The following SPOCK1 variants were observed in gnomAD, a reference collection of about 807,000 sequenced individuals.
The protein encoded by SPOCK1 is SPARC (osteonectin), cwcv and kazal like domains proteoglycan 1, also known as testican-1.
Under a neutral mutation model 55.3 loss-of-function variants are expected in SPOCK1, and 23 were observed. The observed-to-expected ratio is 0.42, with a 90% CI of 0.30 to 0.59. The LOEUF is 0.59. SPOCK1 is among the 20% of genes least tolerant of loss of function. SPOCK1 has a pLI of 0.22. For synonymous variants in SPOCK1, 226 were observed against 221.0 expected (o/e 1.02, Z -0.20); for missense variants, 499 against 552.5 (o/e 0.90, Z 0.97).
At chr5:137,105,909 C>T (rs1231564637) in intron 5 of SPOCK1, among the ~76,000 whole-genome samples, 3 of 152,098 alleles carry the variant, frequency 2.0e-5, no homozygotes, top group East Asian at 3.9e-4. Context: ...CCTGCTTGGT[C>T]GCCGATTACC....
intron 2 of SPOCK1, among the ~76,000 whole-genome samples, chr5:137,405,710 G>T (rs1047584560): frequency 6.6e-5 from 10 of 152,192 alleles, no homozygotes; most frequent in Non-Finnish European, 1.5e-4. Flanking sequence ...AAGGGAAAGA[G>T]AAAAGGTTGG....
chr5:137,264,118 T>A (rs572734544), intron 3 of SPOCK1, among the ~76,000 whole-genome samples: 1 of 152,118 alleles, frequency 6.6e-6, no homozygotes, highest in African/African-American at 2.4e-5. Flanking sequence ...GAGAGCTGAA[T>A]TGATAAGTCT....
intron 10 of SPOCK1, 91 bp downstream of exon 10, chr5:136,979,241 C>T (rs1468706313): frequency 2.1e-5 from 33 of 1,547,176 alleles, no homozygotes; most frequent in African/African-American, 5.5e-5. Flanking sequence ...CTGGAGTTAC[C>T]TCTCAACATT....
At chr5:136,991,538 T>C (rs1750947612) in intron 7 of SPOCK1, among the ~76,000 whole-genome samples, 1 of 152,166 alleles carries the variant, frequency 6.6e-6, no homozygotes, top group Admixed American at 6.5e-5. Context: ...ACCTACTGCA[T>C]TCAATCCAGG....
chr5:137,271,332 G>A (rs1756959250), intron 2 of SPOCK1, among the ~76,000 whole-genome samples: 1 of 149,844 alleles, frequency 6.7e-6, no homozygotes, highest in Non-Finnish European at 1.5e-5. Context: ...GTTCAGATAA[G>A]CATCAATGAA....
Position 137,498,450 on chromosome 5 carries a change from T to C in SPOCK1, c.109A>G (p.Asn37Asp), listed in dbSNP as rs201111918. The C allele has an allele frequency of 1.7e-5, 27 of 1,610,524 alleles. No individual in the cohort carries two copies. Among genetic ancestry groups the C allele is most frequent in the African/African-American group, 4.0e-5 (3 of 74,842 alleles). Residue 37 changes from asparagine (N) to aspartate (D), a missense_variant, in exon 2 of 11, where the codon AAT becomes GAT. Coordinates refer to ENST00000394945, the MANE Select transcript of SPOCK1 (RefSeq NM_004598.4). ...AGCCACTGGTCATTGTCTAGGAAAT[T>C]GCCGTGGTTGGGGCCCGCGCCTCCG... ...LAGGAGPNHGNFLDNDQWLST... is the reference protein window; with the variant it reads ...LAGGAGPNHGDFLDNDQWLST...
chr5:137,013,386 C>A (rs549998875), intron 6 of SPOCK1, among the ~76,000 whole-genome samples: 1 of 152,310 alleles, frequency 6.6e-6, no homozygotes, highest in East Asian at 1.9e-4. Context: ...TGATAACATT[C>A]ACTTGGCAAA....
At chr5:137,348,000 G>A (rs1750597424) in intron 2 of SPOCK1, among the ~76,000 whole-genome samples, 1 of 152,196 alleles carries the variant, frequency 6.6e-6, no homozygotes, top group Non-Finnish European at 1.5e-5. Context: ...CTGGCTTGCT[G>A]CGTTTCTATC....
chr5:137,349,222 G>C (rs1023001157), intron 2 of SPOCK1, among the ~76,000 whole-genome samples: 1 of 152,216 alleles, frequency 6.6e-6, no homozygotes, highest in African/African-American at 2.4e-5. Context: ...ACAGAGGGAT[G>C]GGATGGATAT....
At chr5:137,420,760 T>C (rs1308308770) in intron 2 of SPOCK1, among the ~76,000 whole-genome samples, 2 of 152,194 alleles carry the variant, frequency 1.3e-5, no homozygotes, top group African/African-American at 2.4e-5. Flanking sequence ...CCTGGGTTCA[T>C]TGATTTTTTG....
At chr5:137,310,979 T>A (rs1001366574) in intron 2 of SPOCK1, among the ~76,000 whole-genome samples, 4 of 152,168 alleles carry the variant, frequency 2.6e-5, no homozygotes, top group Non-Finnish European at 5.9e-5. Flanking sequence ...AGGCACCCTC[T>A]GTGAGGGAAC....
At chr5:137,488,540 G>A (rs1754107595) in intron 2 of SPOCK1, among the ~76,000 whole-genome samples, 1 of 152,172 alleles carries the variant, frequency 6.6e-6, no homozygotes, top group South Asian at 2.1e-4. Flanking sequence ...GTCTGAGAAT[G>A]CCACTCTAAC....
chr5:137,199,125 C>A (rs547834844), intron 3 of SPOCK1, among the ~76,000 whole-genome samples: 1 of 152,304 alleles, frequency 6.6e-6, no homozygotes, highest in East Asian at 1.9e-4. Flanking sequence ...AGGAAAAATT[C>A]ATCTTCCTCA....
chr5:137,219,874 G>C (rs1181212943), intron 3 of SPOCK1, among the ~76,000 whole-genome samples: 2 of 152,144 alleles, frequency 1.3e-5, no homozygotes, highest in Admixed American at 1.3e-4. Flanking sequence ...GTCTTTTAGA[G>C]CTGCTTTGCC....
At chr5:137,239,134 GGGGCTA>G (rs1034366019) in intron 3 of SPOCK1, among the ~76,000 whole-genome samples, 14 of 152,168 alleles carry the variant, frequency 9.2e-5, no homozygotes, top group Admixed American at 4.6e-4. Context: ...GGAGAGGAGA[GGGGCTA>G]GAGATTGACC....
At chr5:137,401,843 C>A (rs967426293) in intron 2 of SPOCK1, among the ~76,000 whole-genome samples, 1 of 152,040 alleles carries the variant, frequency 6.6e-6, no homozygotes, top group African/African-American at 2.4e-5. Flanking sequence ...TACACATATG[C>A]GTGATGTGCA....
At chr5:137,492,407 T>C (rs564715578) in intron 2 of SPOCK1, among the ~76,000 whole-genome samples, 1 of 152,254 alleles carries the variant, frequency 6.6e-6, no homozygotes. Context: ...AAAACCAACA[T>C]AGGAGCAGGG....
At chr5:137,486,618 G>A (rs908486449) in intron 2 of SPOCK1, among the ~76,000 whole-genome samples, 1 of 152,162 alleles carries the variant, frequency 6.6e-6, no homozygotes, top group South Asian at 2.1e-4. Context: ...TACTGAATCA[G>A]TGCACCAGGA....
chr5:137,194,198 C>T (rs916555827), intron 3 of SPOCK1, among the ~76,000 whole-genome samples: 1 of 152,214 alleles, frequency 6.6e-6, no homozygotes, highest in Non-Finnish European at 1.5e-5. Flanking sequence ...CAAACAGTAT[C>T]ACCCACAGGT....
Sources: allele counts gnomAD v4.1 joint callset (sites outside exome capture counted in the v4.1 genomes callset), GRCh38; gene constraint gnomAD v4.1.1; transcripts MANE v1.5; gene names NCBI Gene and HGNC (gene_info 2026-07-23, HGNC 2026-07-21).